The following CNTN6 variants were observed in gnomAD, a reference collection of about 807,000 sequenced individuals.
CNTN6 encodes contactin 6.
A neutral mutation model predicts 122.8 loss-of-function variants in CNTN6; 137 were observed. That is an observed-to-expected ratio of 1.12 (90% CI 0.97 to 1.29). CNTN6 has a LOEUF of 1.29. Ranked by LOEUF, CNTN6 falls within the 50% of genes most tolerant of loss-of-function variation. The probability of loss-of-function intolerance (pLI) is 0.00; values close to 1 mark genes in which losing one functional copy is unlikely to be tolerated. For missense variants in CNTN6, 1,634 were observed against 1,223.4 expected (o/e 1.34, Z -5.01); for synonymous variants, 570 against 426.0 (o/e 1.34, Z -4.16).
At chr3:1,237,344 A>C (rs1160724492) in intron 4 of CNTN6, among the ~76,000 whole-genome samples, 1 of 151,930 alleles carries the variant, frequency 6.6e-6, no homozygotes, top group African/African-American at 2.4e-5. Context: ...AAGACAAACA[A>C]TAATAATAAT....
At chr3:1,275,687 T>C (rs11708162) in intron 4 of CNTN6, among the ~76,000 whole-genome samples, 27,385 of 152,050 alleles carry the variant, frequency 0.18, 2,863 homozygotes, top group South Asian at 0.33. Flanking sequence ...TGGGAGACAG[T>C]GACAGATCAT....
intron 7 of CNTN6, among the ~76,000 whole-genome samples, chr3:1,318,869 G>C (rs1700471537): frequency 6.6e-6 from 1 of 151,740 alleles, no homozygotes; most frequent in South Asian, 2.1e-4. Flanking sequence ...GAGATAACAT[G>C]TACTGGCTCT....
chr3:1,249,998 A>G (rs1379691116), intron 4 of CNTN6, among the ~76,000 whole-genome samples: 2 of 151,972 alleles, frequency 1.3e-5, no homozygotes, highest in Non-Finnish European at 1.5e-5. Flanking sequence ...TTAGAAAGCA[A>G]TCCTATTGTT....
At chr3:1,263,772 A>C (rs559210112) in intron 4 of CNTN6, among the ~76,000 whole-genome samples, 2 of 152,112 alleles carry the variant, frequency 1.3e-5, no homozygotes, top group African/African-American at 4.8e-5. Context: ...CTTATGGTCT[A>C]TTTAGAGCAC....
intron 1 of CNTN6, among the ~76,000 whole-genome samples, chr3:1,115,729 G>A (rs1031702370): frequency 6.6e-6 from 1 of 152,072 alleles, no homozygotes; most frequent in African/African-American, 2.4e-5. Flanking sequence ...TCCCACATGG[G>A]CAACAGGGTG....
At chr3:1,237,293 A>G (rs2094434344) in intron 4 of CNTN6, among the ~76,000 whole-genome samples, 1 of 151,988 alleles carries the variant, frequency 6.6e-6, no homozygotes, top group Non-Finnish European at 1.5e-5. Flanking sequence ...AAAGAACTTC[A>G]GAGCTCTAAG....
chr3:1,157,464 G>A (rs530387408), intron 2 of CNTN6, among the ~76,000 whole-genome samples: 35 of 151,864 alleles, frequency 2.3e-4, no homozygotes, highest in Middle Eastern at 3.4e-3. Context: ...TGATCTGCCC[G>A]CCTTGGTCTC....
At chr3:1,165,134 G>A (rs937972182) in intron 2 of CNTN6, among the ~76,000 whole-genome samples, 3 of 152,112 alleles carry the variant, frequency 2.0e-5, no homozygotes, top group African/African-American at 7.2e-5. Flanking sequence ...TTACATGCTT[G>A]TCCATGGTTA....
At chr3:1,185,093 T>G (rs1418897885) in intron 2 of CNTN6, among the ~76,000 whole-genome samples, 2 of 152,154 alleles carry the variant, frequency 1.3e-5, no homozygotes, top group Non-Finnish European at 2.9e-5. Context: ...GAGCAGTTAG[T>G]AAAGAATTAT....
chr3:1,141,541 T>C (rs2092608571), intron 1 of CNTN6, among the ~76,000 whole-genome samples: 1 of 152,158 alleles, frequency 6.6e-6, no homozygotes, highest in Non-Finnish European at 1.5e-5. Context: ...CAAAGCCTTT[T>C]AGTAGTAGTT....
chr3:1,217,685 G>A (rs76351620), intron 2 of CNTN6, among the ~76,000 whole-genome samples: 5,640 of 152,214 alleles, frequency 0.037, 359 homozygotes, highest in African/African-American at 0.13. Context: ...GTGAGAAAAT[G>A]TGAGAGGATA....
intron 8 of CNTN6, among the ~76,000 whole-genome samples, chr3:1,323,955 G>GT (rs1701203786): frequency 7.2e-6 from 1 of 139,786 alleles, no homozygotes; most frequent in African/African-American, 3.3e-5. Context: ...TGAAACCTTT[G>GT]TAAGTTATGT....
At position 1,278,543 on chromosome 3, in the gene CNTN6, C is replaced by T. The variant is rs369467745; in HGVS notation, c.454+35C>T. The T allele has an allele frequency of 2.6e-5, 37 of 1,445,838 alleles. 1 individual carries two copies. Among genetic ancestry groups the T allele is most frequent in the South Asian group, 1.0e-4 (9 of 85,760 alleles). The allele number at this position is 1,445,838 out of a possible 1,614,324, so 89.6% of individuals were successfully genotyped here. On this transcript the variant is annotated intron_variant, in intron 5 of 22. Transcript: ENST00000446702. Reference sequence around the variant, plus strand: ...GGTGATTTGGGTCATATCATCAATGCGGTCACTTGGAGAGTGATGTGAGCA... The same window carrying T: ...GGTGATTTGGGTCATATCATCAATGTGGTCACTTGGAGAGTGATGTGAGCA...
At chr3:1,212,963 C>T (rs939041448) in intron 2 of CNTN6, among the ~76,000 whole-genome samples, 3 of 152,160 alleles carry the variant, frequency 2.0e-5, no homozygotes, top group Non-Finnish European at 2.9e-5. Flanking sequence ...TATCAACTGA[C>T]TGATGATAAT....
chr3:1,345,458 A>G (rs1356438162), intron 11 of CNTN6, among the ~76,000 whole-genome samples: 6 of 152,162 alleles, frequency 3.9e-5, no homozygotes, highest in Admixed American at 6.6e-5. Context: ...AAAATGATGG[A>G]AAGGACAACC....
chr3:1,284,404 A>G (rs892918308), intron 5 of CNTN6, among the ~76,000 whole-genome samples: 3 of 152,282 alleles, frequency 2.0e-5, no homozygotes, highest in Non-Finnish European at 2.9e-5. Context: ...GGGTAGGTCA[A>G]ATTGGCAGTG....
intron 20 of CNTN6, among the ~76,000 whole-genome samples, chr3:1,392,700 A>G (rs1482687598): frequency 6.9e-6 from 1 of 145,290 alleles, no homozygotes; most frequent in Non-Finnish European, 1.5e-5. Context: ...GAACTCAAAC[A>G]AATTTACAAG....
intron 16 of CNTN6, among the ~76,000 whole-genome samples, chr3:1,376,415 G>A (rs1709875846): frequency 6.6e-6 from 1 of 152,016 alleles, no homozygotes; most frequent in African/African-American, 2.4e-5. Flanking sequence ...ACCTCTCCCA[G>A]TCGCATTCTT....
Position 1,214,301 on chromosome 3 carries a change from C to CTTTTTTTTTT in CNTN6, c.56-6371_56-6362dup, listed in dbSNP as rs34799447. On this transcript the variant is annotated intron_variant, in intron 2 of 22. Coordinates refer to ENST00000446702, the MANE Select transcript of CNTN6 (RefSeq NM_001289080.2). ...TTGTTCAAATGTGTTTGTTGGATGT[C>CTTTTTTTTTT]TTTTTTTTTTTTTTTTTTTTTTTTG... Among the ~76,000 whole-genome samples the CTTTTTTTTTT allele has an allele frequency of 1.6e-4, 7 of 44,028 alleles. 1 individual carries two copies. The highest frequency in any genetic ancestry group is 8.0e-4 in the East Asian group (1 of 1,254). The allele number at this position is 44,028 out of a possible 152,430, so 28.9% of individuals were successfully genotyped here.
Sources: allele counts gnomAD v4.1 joint callset (sites outside exome capture counted in the v4.1 genomes callset), GRCh38; gene constraint gnomAD v4.1.1; transcripts MANE v1.5; gene names NCBI Gene and HGNC (gene_info 2026-07-23, HGNC 2026-07-21).